CNTN4: variants seen among roughly 807,000 people sequenced by gnomAD.
The protein encoded by CNTN4 is contactin-4.
Under a neutral mutation model 122.5 loss-of-function variants are expected in CNTN4, and 77 were observed. That is an observed-to-expected ratio of 0.63 (90% CI 0.52 to 0.76). CNTN4 has a LOEUF of 0.76. Among genes scored for constraint, CNTN4 ranks in the 30% least tolerant of loss-of-function variants. CNTN4 has a pLI of 0.00. For synonymous variants in CNTN4, 512 were observed against 447.0 expected (o/e 1.15, Z -1.83); for missense variants, 1,256 against 1,259.1 (o/e 1.00, Z 0.04).
intron 12 of CNTN4, among the ~76,000 whole-genome samples, chr3:2,916,128 CTACTG>C (rs2094350905): frequency 1.3e-5 from 2 of 152,162 alleles, no homozygotes; most frequent in African/African-American, 4.8e-5. Context: ...ATAGTTAATA[CTACTG>C]TACTGTACAT....
At chr3:2,103,338 G>A (rs934179425) in intron 2 of CNTN4, among the ~76,000 whole-genome samples, 10 of 152,290 alleles carry the variant, frequency 6.6e-5, no homozygotes, top group Admixed American at 5.9e-4. Flanking sequence ...AATGGAATTA[G>A]ATATGATACA....
At chr3:2,266,750 G>A (rs1305653208) in intron 2 of CNTN4, among the ~76,000 whole-genome samples, 1 of 152,052 alleles carries the variant, frequency 6.6e-6, no homozygotes, top group African/African-American at 2.4e-5. Context: ...CCACAATGTT[G>A]GAGTCGTCTC....
intron 6 of CNTN4, among the ~76,000 whole-genome samples, chr3:2,776,264 A>G (rs1576746396): frequency 1.2e-5 from 1 of 80,668 alleles, no homozygotes; most frequent in East Asian, 3.0e-4. Context: ...TTGATTGGTT[A>G]TAAGTGTTTC....
chr3:2,761,171 C>A (rs779339348), intron 6 of CNTN4, among the ~76,000 whole-genome samples: 1 of 152,076 alleles, frequency 6.6e-6, no homozygotes, highest in African/African-American at 2.4e-5. Flanking sequence ...TTTAAATGGG[C>A]GGTTTTTCTA....
chr3:2,938,735 G>A (rs1048259426), intron 13 of CNTN4, among the ~76,000 whole-genome samples: 3 of 152,328 alleles, frequency 2.0e-5, no homozygotes, highest in Middle Eastern at 3.4e-3. Context: ...GAGAGGGAGA[G>A]AGGTAGGATG....
intron 13 of CNTN4, among the ~76,000 whole-genome samples, chr3:2,947,596 C>T (rs558259644): frequency 1.7e-4 from 26 of 152,182 alleles, no homozygotes; most frequent in Non-Finnish European, 3.5e-4. Flanking sequence ...GGAGATTGTA[C>T]TAATCTACTC....
intron 4 of CNTN4, among the ~76,000 whole-genome samples, chr3:2,592,942 G>A (rs2080569781): frequency 6.6e-6 from 1 of 152,160 alleles, no homozygotes; most frequent in African/African-American, 2.4e-5. Flanking sequence ...ATTGTACTGA[G>A]GGTTTCTAAT....
chr3:2,748,019 A>T (rs755996369), intron 6 of CNTN4, among the ~76,000 whole-genome samples: 3 of 152,176 alleles, frequency 2.0e-5, no homozygotes, highest in Admixed American at 6.5e-5. Flanking sequence ...TTCCCAATTA[A>T]TTAATCCACA....
chr3:2,916,270 T>C lies in CNTN4; in HGVS notation c.1208-9359T>C, dbSNP rs563097950. On this transcript the variant is annotated intron_variant, in intron 12 of 24. Transcript: ENST00000418658. Reference sequence around the variant, plus strand: ...CCGAGAGGGGGATTTGGCAGGGTCATAGGACAATAGTGGAGGGAAGGTCAG... The same window carrying C: ...CCGAGAGGGGGATTTGGCAGGGTCACAGGACAATAGTGGAGGGAAGGTCAG... Among the ~76,000 whole-genome samples, 16 of 151,784 alleles carry C rather than the reference T, an allele frequency of 1.1e-4. No individual in the cohort carries two copies. In the South Asian group the frequency reaches 1.9e-3, roughly 18 times the overall value.
intron 3 of CNTN4, among the ~76,000 whole-genome samples, chr3:2,450,011 A>G (rs935033177): frequency 6.6e-6 from 1 of 152,184 alleles, no homozygotes; most frequent in African/African-American, 2.4e-5. Flanking sequence ...AAAATTCCAC[A>G]GATCTGTTGT....
chr3:2,265,156 C>T (rs2040992161), intron 2 of CNTN4, among the ~76,000 whole-genome samples: 1 of 151,802 alleles, frequency 6.6e-6, no homozygotes, highest in Non-Finnish European at 1.5e-5. Context: ...ATAATAGTCT[C>T]CATTTCCATC....
intron 4 of CNTN4, among the ~76,000 whole-genome samples, chr3:2,641,174 A>T (rs1394922392): frequency 2.0e-5 from 3 of 152,126 alleles, no homozygotes; most frequent in Non-Finnish European, 4.4e-5. Context: ...CATTTTAATG[A>T]TGGATAGAAT....
chr3:2,188,585 T>G (rs73098027), intron 2 of CNTN4, among the ~76,000 whole-genome samples: 3,777 of 152,236 alleles, frequency 0.025, 149 homozygotes, highest in African/African-American at 0.087. Context: ...GGTGAGAAAC[T>G]GTACCCATTT....
intron 13 of CNTN4, among the ~76,000 whole-genome samples, chr3:2,971,334 ATCTG>A (rs576840909): frequency 4.7e-4 from 66 of 139,344 alleles, no homozygotes; most frequent in Middle Eastern, 3.3e-3. Flanking sequence ...CTATATCTAT[ATCTG>A]TCTGTCTGTC....
intron 12 of CNTN4, among the ~76,000 whole-genome samples, chr3:2,907,947 G>A (rs2094255800): frequency 6.6e-6 from 1 of 152,200 alleles, no homozygotes; most frequent in Non-Finnish European, 1.5e-5. Context: ...ACATCAAATG[G>A]AAGTGTCCTT....
At chr3:2,474,075 T>A (rs2075770965) in intron 3 of CNTN4, among the ~76,000 whole-genome samples, 1 of 152,076 alleles carries the variant, frequency 6.6e-6, no homozygotes, top group African/African-American at 2.4e-5. Context: ...TATGCTAAGG[T>A]TCCTTCTGGG....
intron 13 of CNTN4, among the ~76,000 whole-genome samples, chr3:2,969,971 C>T (rs1468206638): frequency 6.6e-6 from 1 of 152,036 alleles, no homozygotes; most frequent in South Asian, 2.1e-4. Flanking sequence ...AGACAGTTGA[C>T]CCTTGAACAA....
At position 2,947,095 on chromosome 3, in the gene CNTN4, T is replaced by C. The variant is rs186856019; in HGVS notation, c.1358+21316T>C. Among the ~76,000 whole-genome samples the C allele has an allele frequency of 1.2e-4, 19 of 152,348 alleles. No individual in the cohort carries two copies. In the East Asian group the frequency reaches 3.5e-3, roughly 28 times the overall value. ...ATGAAATCTTCAGTTAGCCATACAA[T>C]CCTTGTATCCCAAATTAAGATGTGG... On this transcript the variant is annotated intron_variant, in intron 13 of 24. Coordinates refer to ENST00000418658, the MANE Select transcript of CNTN4 (RefSeq NM_175607.3).
At chr3:2,249,721 A>G (rs1357760614) in intron 2 of CNTN4, among the ~76,000 whole-genome samples, 1 of 151,976 alleles carries the variant, frequency 6.6e-6, no homozygotes, top group Admixed American at 6.6e-5. Flanking sequence ...CAAATTTCAA[A>G]TGCTGAAGGT....
Sources: gnomAD v4.1 joint callset for allele counts (sites outside exome capture counted in the v4.1 genomes callset) on GRCh38, gnomAD v4.1.1 for gene constraint, MANE v1.5 for transcripts, NCBI Gene and HGNC (gene_info 2026-07-23, HGNC 2026-07-21) for gene names.